Variants in CSMD1 observed in about 807,000 individuals in gnomAD.
The protein encoded by CSMD1 is CUB and sushi domain-containing protein 1.
A neutral mutation model predicts 417.5 loss-of-function variants in CSMD1; 213 were observed. The observed-to-expected ratio is 0.51, with a 90% confidence interval of 0.46 to 0.57. CSMD1 has a LOEUF of 0.57. CSMD1 is among the 20% of genes least tolerant of loss of function. The pLI is 0.00. For synonymous variants in CSMD1, 2,862 were observed against 1,736.8 expected, an observed-to-expected ratio of 1.65 and a Z score of -16.11; for missense variants, 6,923 against 4,529.7, an observed-to-expected ratio of 1.53 and a Z score of -15.17.
At chr8:4,018,392 C>A (rs1366289370) in intron 4 of CSMD1, among the ~76,000 whole-genome samples, 1 of 152,172 alleles carries the variant, frequency 6.6e-6, no homozygotes, top group East Asian at 1.9e-4. Context: ...CTCTTGGCAA[C>A]TTCCTGCCTC....
intron 3 of CSMD1, among the ~76,000 whole-genome samples, chr8:4,331,514 T>C (rs144772305): frequency 3.3e-5 from 5 of 152,296 alleles, no homozygotes; most frequent in African/African-American, 9.6e-5. Flanking sequence ...TTCAGTGTTG[T>C]TGTATCCCAT....
intron 3 of CSMD1, among the ~76,000 whole-genome samples, chr8:4,214,664 A>G (rs1333528519): frequency 6.6e-6 from 1 of 152,150 alleles, no homozygotes; most frequent in Non-Finnish European, 1.5e-5. Context: ...GTGTGTGTGT[A>G]TGAGTATGAG....
intron 2 of CSMD1, among the ~76,000 whole-genome samples, chr8:4,578,672 G>A (rs1455293011): frequency 6.6e-6 from 1 of 150,954 alleles, no homozygotes; most frequent in South Asian, 2.1e-4. Context: ...AAAATTAGCT[G>A]GACATGGTGG....
chr8:4,793,181 T>C (rs542826153), intron 1 of CSMD1, among the ~76,000 whole-genome samples: 1 of 152,156 alleles, frequency 6.6e-6, no homozygotes, highest in South Asian at 2.1e-4. Context: ...GATCATGGAG[T>C]AATTATGAGT....
chr8:3,379,280 C>A (rs1431717691), intron 18 of CSMD1, among the ~76,000 whole-genome samples: 2 of 152,152 alleles, frequency 1.3e-5, no homozygotes, highest in Non-Finnish European at 2.9e-5. Flanking sequence ...ATTCCATGCT[C>A]ATGGATAGGA....
intron 5 of CSMD1, among the ~76,000 whole-genome samples, chr8:3,838,648 TATA>T (rs1802869752): frequency 8.1e-6 from 1 of 122,900 alleles, no homozygotes; most frequent in Non-Finnish European, 1.6e-5. Context: ...ATTAATATTA[TATA>T]GTATAATATA....
intron 2 of CSMD1, among the ~76,000 whole-genome samples, chr8:4,426,894 G>A (rs1291824489): frequency 6.6e-6 from 1 of 151,764 alleles, no homozygotes; most frequent in Non-Finnish European, 1.5e-5. Flanking sequence ...AGTATCAGAT[G>A]TCAGGTGTTT....
At chr8:4,668,801 C>A (rs1329525166) in intron 1 of CSMD1, among the ~76,000 whole-genome samples, 1 of 152,098 alleles carries the variant, frequency 6.6e-6, no homozygotes, top group Non-Finnish European at 1.5e-5. Context: ...ATGAAGTGCT[C>A]AACATTCTCC....
chr8:3,694,918 T>C (rs1203390911), intron 7 of CSMD1, among the ~76,000 whole-genome samples: 1 of 151,980 alleles, frequency 6.6e-6, no homozygotes, highest in Non-Finnish European at 1.5e-5. Context: ...CGCACATCAT[T>C]AGCACCACGT....
intron 3 of CSMD1, among the ~76,000 whole-genome samples, chr8:4,265,011 A>G (rs1804150801): frequency 6.6e-6 from 1 of 152,176 alleles, no homozygotes; most frequent in Non-Finnish European, 1.5e-5. Context: ...CAATATGTCA[A>G]GTATATAAAT....
rs137928282 is a variant in CSMD1, at chr8:4,687,043, C to T, written c.86-49485G>A. On this transcript the variant is annotated intron_variant, in intron 1 of 69. Transcript: ENST00000635120. ...GCCAGCGAACTCCATGCACCCATGG[C>T]AGATGTCTTCTGAGGCTGAGCTTCA... Among the ~76,000 whole-genome samples, 213 of 152,312 alleles carry T rather than the reference C, an allele frequency of 1.4e-3. 2 individuals are homozygous for T. The highest frequency in any genetic ancestry group is 4.9e-3 in the African/African-American group (203 of 41,566).
intron 23 of CSMD1, among the ~76,000 whole-genome samples, chr8:3,313,996 C>G (rs558683361): frequency 0.017 from 2,585 of 152,204 alleles, 27 homozygotes; most frequent in Non-Finnish European, 0.026. Flanking sequence ...TGGAAACCAT[C>G]ATTCTCAGCA....
intron 3 of CSMD1, among the ~76,000 whole-genome samples, chr8:4,362,122 C>T (rs576745375): frequency 1.1e-4 from 16 of 152,070 alleles, no homozygotes; most frequent in Non-Finnish European, 2.1e-4. Context: ...AATCCAAGTA[C>T]TTTATAAAAA....
At chr8:3,089,627 C>T (rs1226098286) in intron 48 of CSMD1, among the ~76,000 whole-genome samples, 1 of 152,134 alleles carries the variant, frequency 6.6e-6, no homozygotes, top group Non-Finnish European at 1.5e-5. Flanking sequence ...TTAATCAATG[C>T]TCAAAAATTA....
At chr8:3,464,745 G>A (rs1215320116) in intron 12 of CSMD1, among the ~76,000 whole-genome samples, 1 of 151,780 alleles carries the variant, frequency 6.6e-6, no homozygotes, top group African/African-American at 2.4e-5. Context: ...GCTTTATATG[G>A]CTCTATCATA....
intron 3 of CSMD1, among the ~76,000 whole-genome samples, chr8:4,143,287 G>T (rs1221915049): frequency 6.6e-6 from 1 of 150,670 alleles, no homozygotes; most frequent in Non-Finnish European, 1.5e-5. Context: ...TTCTCCTTCA[G>T]GCCACAGCTT....
chr8:3,969,779 TGAA>T (rs1021351581), intron 5 of CSMD1, among the ~76,000 whole-genome samples: 1 of 152,170 alleles, frequency 6.6e-6, no homozygotes, highest in Non-Finnish European at 1.5e-5. Context: ...TTTAAATCAC[TGAA>T]GAAGAAATCT....
At chr8:3,019,529 T>C (rs1585162246) in intron 51 of CSMD1, among the ~76,000 whole-genome samples, 1 of 152,310 alleles carries the variant, frequency 6.6e-6, no homozygotes, top group East Asian at 1.9e-4. Context: ...TTTAGTTACT[T>C]GCATAATTTG....
At chr8:4,729,465 T>C (rs561368224) in intron 1 of CSMD1, among the ~76,000 whole-genome samples, 2 of 152,254 alleles carry the variant, frequency 1.3e-5, no homozygotes, top group South Asian at 2.1e-4. Flanking sequence ...AAATGATCAA[T>C]AGCTGAAAGG....
Sources: allele counts gnomAD v4.1 joint callset (sites outside exome capture counted in the v4.1 genomes callset), GRCh38; gene constraint gnomAD v4.1.1; transcripts MANE v1.5; gene names NCBI Gene and HGNC (gene_info 2026-07-23, HGNC 2026-07-21).